NDUFAF6: variants seen among roughly 807,000 people sequenced by gnomAD.
NDUFAF6 encodes the protein NADH dehydrogenase (ubiquinone) complex I, assembly factor 6.
A neutral mutation model predicts 40.8 loss-of-function variants in NDUFAF6; 45 were observed. The ratio of observed to expected loss-of-function variants is 1.10; its 90% CI spans 0.87 to 1.42. The LOEUF (loss-of-function observed/expected upper bound fraction) is 1.42, where lower values mean the gene tolerates loss of function less well. Ranked by LOEUF, NDUFAF6 falls within the 40% of genes most tolerant of loss-of-function variation. The pLI, the probability that NDUFAF6 is intolerant of heterozygous loss-of-function variation, is 0.00. For missense variants in NDUFAF6, 435 were observed against 418.5 expected (o/e 1.04, Z -0.34); for synonymous variants, 185 against 155.9 (o/e 1.19, Z -1.39).
upstream of NDUFAF6, among the ~76,000 whole-genome samples, chr8:95,024,565 C>T (rs1312088944): frequency 3.3e-5 from 5 of 152,266 alleles, no homozygotes; most frequent in African/African-American, 1.2e-4. Context: ...CTATTGCAAA[C>T]TTCCAGCAAC....
chr8:95,021,906 G>A (rs1340953716), upstream of NDUFAF6, among the ~76,000 whole-genome samples: 2 of 152,134 alleles, frequency 1.3e-5, no homozygotes, highest in Non-Finnish European at 2.9e-5. Flanking sequence ...CAAAGTAGGG[G>A]GCAGCCTTGT....
intron 1 of NDUFAF6, chr8:94,975,998 C>G (rs1029798913): frequency 5.3e-5 from 8 of 151,510 alleles, no homozygotes; most frequent in African/African-American, 1.9e-4. Context: ...ATCACGAGGT[C>G]AGGAGATCGA....
downstream of NDUFAF6, among the ~76,000 whole-genome samples, chr8:95,077,140 G>C (rs1563856375): frequency 6.6e-6 from 1 of 152,168 alleles, no homozygotes; most frequent in Non-Finnish European, 1.5e-5. Flanking sequence ...CAACCCTGGG[G>C]ATACCTTGAT....
chr8:95,087,601 T>C (rs1809092886), intron 2 of NDUFAF6: 1 of 152,252 alleles, frequency 6.6e-6, no homozygotes, highest in East Asian at 1.9e-4. Context: ...GCTTCCTCCT[T>C]TCCAAAAGCA....
intron 1 of NDUFAF6, among the ~76,000 whole-genome samples, chr8:94,970,253 CAAAAAAAAAAA>C (rs891358442): frequency 1.7e-4 from 11 of 62,938 alleles, no homozygotes; most frequent in Non-Finnish European, 3.0e-4. Flanking sequence ...GACTCCGTCT[CAAAAAAAAAAA>C]AAAAAAAAAG....
chr8:95,082,698 C>G (rs867797218), intron 2 of NDUFAF6, among the ~76,000 whole-genome samples: 2 of 152,078 alleles, frequency 1.3e-5, no homozygotes, highest in Non-Finnish European at 1.5e-5. Context: ...CTCGCTCTGT[C>G]GCCCAGGCTG....
At chr8:94,934,563 T>A (rs1244466052) in intron 1 of NDUFAF6, among the ~76,000 whole-genome samples, 1 of 151,942 alleles carries the variant, frequency 6.6e-6, no homozygotes. Flanking sequence ...TTTTTGTATT[T>A]TTAAGATGGG....
chr8:95,090,428 T>G (rs141121381), intron 2 of NDUFAF6, among the ~76,000 whole-genome samples: 102 of 152,332 alleles, frequency 6.7e-4, no homozygotes, highest in Non-Finnish European at 1.0e-3. Flanking sequence ...CTTTATCTCA[T>G]GTCTTTCCTT....
intron 8 of NDUFAF6, among the ~76,000 whole-genome samples, chr8:95,057,434 T>C (rs1832322354): frequency 6.6e-6 from 1 of 152,126 alleles, no homozygotes; most frequent in Admixed American, 6.5e-5. Context: ...CATGGTACAC[T>C]ACATTTGGGG....
intron 7 of NDUFAF6, among the ~76,000 whole-genome samples, chr8:95,049,134 C>T (rs978433695): frequency 6.6e-6 from 1 of 152,218 alleles, no homozygotes; most frequent in Non-Finnish European, 1.5e-5. Context: ...CCTGCCCACT[C>T]TAATAAACAA....
At chr8:95,068,050 C>G (rs1300587623) in intron 9 of NDUFAF6, 1 of 151,922 alleles carries the variant, frequency 6.6e-6, no homozygotes, top group East Asian at 1.9e-4. Context: ...TAGGCTGCCC[C>G]TGTCCTAGTC....
chr8:95,021,766 T>A (rs1360928248), upstream of NDUFAF6, among the ~76,000 whole-genome samples: 1 of 152,206 alleles, frequency 6.6e-6, no homozygotes, highest in African/African-American at 2.4e-5. Flanking sequence ...TATAAGTGTT[T>A]CCCTGATATC....
At chr8:95,047,744 C>T (rs11995723) in intron 6 of NDUFAF6, among the ~76,000 whole-genome samples, 2,660 of 151,754 alleles carry the variant, frequency 0.018, 64 homozygotes, top group African/African-American at 0.061. Context: ...CTCCTGAACT[C>T]GTGATTCGCT....
intron 2 of NDUFAF6, among the ~76,000 whole-genome samples, chr8:95,000,926 G>C (rs1367102429): frequency 6.6e-6 from 1 of 151,854 alleles, no homozygotes; most frequent in Non-Finnish European, 1.5e-5. Context: ...AACAGAGTGA[G>C]GCTCTGTTTC....
chr8:95,077,100 T>G (rs72679243), downstream of NDUFAF6, among the ~76,000 whole-genome samples: 7 of 152,168 alleles, frequency 4.6e-5, no homozygotes, highest in African/African-American at 1.7e-4. Flanking sequence ...TGGCCATCTA[T>G]AAGCCAAGGA....
chr8:95,001,629 A>C (rs1285102738), intron 2 of NDUFAF6, among the ~76,000 whole-genome samples: 1 of 152,164 alleles, frequency 6.6e-6, no homozygotes, highest in Non-Finnish European at 1.5e-5. Flanking sequence ...TTTTTGCCTG[A>C]ATCCCCCCAA....
chr8:95,043,946 T>C (rs1226822039), intron 4 of NDUFAF6, among the ~76,000 whole-genome samples: 2 of 152,168 alleles, frequency 1.3e-5, no homozygotes, highest in Non-Finnish European at 2.9e-5. Context: ...TATGAATGTT[T>C]GTAGCAACAT....
rs76421088 is a variant in NDUFAF6 at position 95,015,114 on chromosome 8, T to C, written c.-83-16881T>C. On this transcript the variant is annotated intron_variant, in intron 2 of 9. Transcript: ENST00000396111. ...TTGGACTGTCTGGATGGATGAGCAT[T>C]TACCAAAAGAAAGAGTTCTGTCAGG... is the stretch of plus-strand genomic sequence containing the variant. Among the ~76,000 whole-genome samples the C allele has an allele frequency of 7.3e-3, 1,106 of 152,310 alleles. 16 individuals are homozygous for C. The highest frequency in any genetic ancestry group is 0.025 in the African/African-American group (1,043 of 41,556).
intron 1 of NDUFAF6, among the ~76,000 whole-genome samples, chr8:94,913,707 G>A (rs1333963613): frequency 6.6e-6 from 1 of 152,210 alleles, no homozygotes; most frequent in Non-Finnish European, 1.5e-5. Flanking sequence ...GCTAAGGTGG[G>A]AAGATTGCTT....
Sources: allele counts gnomAD v4.1 joint callset (sites outside exome capture counted in the v4.1 genomes callset), GRCh38; gene constraint gnomAD v4.1.1; transcripts MANE v1.5; gene names NCBI Gene and HGNC (gene_info 2026-07-23, HGNC 2026-07-21).